KLF5: variants seen among roughly 807,000 people sequenced by gnomAD.
KLF5 encodes the protein KLF transcription factor 5, also known as Krueppel-like factor 5.
A neutral mutation model predicts 36.9 loss-of-function variants in KLF5; 9 were observed. The observed-to-expected ratio is 0.24, with a 90% CI of 0.15 to 0.43. KLF5 has a LOEUF of 0.43. Ranked by LOEUF, KLF5 falls within the 20% of genes least tolerant of loss-of-function variation. The probability of loss-of-function intolerance (pLI) is 1.00; values close to 1 mark genes in which losing one functional copy is unlikely to be tolerated. For missense variants in KLF5, 524 were observed against 599.5 expected, an observed-to-expected ratio of 0.87 and a Z score of 1.31; for synonymous variants, 246 against 241.7, an observed-to-expected ratio of 1.02 and a Z score of -0.17.
At chr13:73,063,228 T>G (rs1047811183) in intron 2 of KLF5, among the ~76,000 whole-genome samples, 5 of 152,170 alleles carry the variant, frequency 3.3e-5, no homozygotes, top group African/African-American at 1.2e-4. Flanking sequence ...GGTACAAGAC[T>G]GTCTACAAGA....
chr13:73,067,913 T>A (rs1376648897), intron 3 of KLF5, among the ~76,000 whole-genome samples: 2 of 151,498 alleles, frequency 1.3e-5, no homozygotes, highest in Non-Finnish European at 2.9e-5. Flanking sequence ...CGATCTCGGC[T>A]CACTGCAACC....
chr13:73,062,620 C>A lies in KLF5; in HGVS notation c.1021C>A (p.Pro341Thr). The A allele has an allele frequency of 6.2e-7, 1 of 1,614,218 alleles. No individual in the cohort carries two copies. The highest frequency in any genetic ancestry group is 1.1e-5 in the South Asian group (1 of 91,084). The change falls in exon 2 of 4, where the codon CCA becomes ACA. Residue 341 changes from proline (P) to threonine (T), a missense_variant. Physicochemically the swap from Pro to Thr is conservative, Grantham distance 38. This residue lies in a region of KLF5 where 454 missense variants were observed against 458.1 expected (regional missense o/e 0.99). Coordinates refer to ENST00000377687, the MANE Select transcript of KLF5 (RefSeq NM_001730.5). Reference protein sequence around the residue: ...TIASKLAIHNPNLPTTLPVNS... With the variant: ...TIASKLAIHNTNLPTTLPVNS... ...TGCTTCTAAACTGGCAATTCACAAT[C>A]CAAATTTACCCACCACCCTGCCAGT...
intron 1 of KLF5, among the ~76,000 whole-genome samples, chr13:73,060,060 A>T (rs891596723): frequency 4.0e-5 from 6 of 149,236 alleles, no homozygotes; most frequent in African/African-American, 1.5e-4. Context: ...AAGGTTTCAT[A>T]CCCGGTGGCT....
At chr13:73,075,572 C>T (rs529268234) in intron 3 of KLF5, 136 bp from the exon 4 acceptor site, 14 of 692,422 alleles carry the variant, frequency 2.0e-5, no homozygotes, top group African/African-American at 1.8e-4. Flanking sequence ...TATGTATTTA[C>T]TCATAATGGA....
At chr13:73,073,475 A>G (rs918559740) in intron 3 of KLF5, among the ~76,000 whole-genome samples, 4 of 152,202 alleles carry the variant, frequency 2.6e-5, no homozygotes, top group South Asian at 2.1e-4. Context: ...TTTAAAAAAT[A>G]CTGGTGCAGT....
chr13:73,067,961 C>T (rs910287415), intron 3 of KLF5, among the ~76,000 whole-genome samples: 29 of 152,098 alleles, frequency 1.9e-4, no homozygotes, highest in African/African-American at 6.5e-4. Flanking sequence ...CTGCCTCAGC[C>T]TCTCAAGTAG....
intron 3 of KLF5, among the ~76,000 whole-genome samples, chr13:73,074,603 A>C (rs2139119214): frequency 6.6e-6 from 1 of 152,294 alleles, no homozygotes; most frequent in South Asian, 2.1e-4. Context: ...CTCCAGTAGG[A>C]TTCTTCACAA....
chr13:73,060,423 T>C (rs1420032858), intron 1 of KLF5, among the ~76,000 whole-genome samples: 1 of 152,138 alleles, frequency 6.6e-6, no homozygotes, highest in African/African-American at 2.4e-5. Flanking sequence ...CAGAAACCAC[T>C]AACCGCCGCG....
chr13:73,065,902 T>C (rs1057081579), intron 3 of KLF5, among the ~76,000 whole-genome samples: 1 of 152,234 alleles, frequency 6.6e-6, no homozygotes, highest in Non-Finnish European at 1.5e-5. Context: ...TGAATGCTTA[T>C]ACCTGCGATT....
In KLF5 at chr13:73,069,892, A is replaced by T. The variant is rs527751146; in HGVS notation, c.1196-5816A>T. Among the ~76,000 whole-genome samples, 7 of 152,340 alleles carry T rather than the reference A, an allele frequency of 4.6e-5. No homozygotes were observed. The East Asian group carries it at 1.3e-3, about 29-fold the overall frequency. The stretch of plus-strand genomic sequence containing the variant: ...TGCTGGAGTGGAGATAGAAATAATT[A>T]GTCTTGAAAGTAGAGAGTAATGTTT... On this transcript the variant is annotated intron_variant, in intron 3 of 3. Coordinates refer to ENST00000377687, the MANE Select transcript of KLF5 (RefSeq NM_001730.5).
chr13:73,075,363 C>T (rs754392864), intron 3 of KLF5, among the ~76,000 whole-genome samples: 4 of 152,162 alleles, frequency 2.6e-5, no homozygotes, highest in Non-Finnish European at 5.9e-5. Context: ...TAAAGCCACT[C>T]AGGCTCATCT....
rs2044658055 is a variant in KLF5 at position 73,063,738 on chromosome 13, T to C, written c.1136-86T>C. ...CATCTAGCATGAGAGATTTCTTCTT[T>C]AAAGCCAGATTTTAAACACTGAATC... On this transcript the variant is annotated intron_variant, in intron 2 of 3. Transcript: ENST00000377687. The C allele has an allele frequency of 8.1e-6, 8 of 986,460 alleles. No individual in the cohort carries two copies. In the South Asian group the frequency reaches 9.5e-5, roughly 12 times the overall value. 61.1% of individuals were successfully genotyped at this position (986,460 alleles called of 1,614,324 possible). A position where few individuals can be genotyped will look rare whatever the true frequency, so the allele number is the denominator to read the frequency against.
At chr13:73,075,495 ATG>A (rs1360492329) in intron 3 of KLF5, among the ~76,000 whole-genome samples, 1 of 152,128 alleles carries the variant, frequency 6.6e-6, no homozygotes. Context: ...TTTTTTCTTT[ATG>A]AGGTAAAAAA....
intron 2 of KLF5, among the ~76,000 whole-genome samples, chr13:73,063,529 A>T (rs1193935882): frequency 6.6e-6 from 1 of 152,220 alleles, no homozygotes; most frequent in South Asian, 2.1e-4. Context: ...AACATATAGC[A>T]GCTCTTAATA....
chr13:73,066,825 T>G (rs1035430248), intron 3 of KLF5, among the ~76,000 whole-genome samples: 1 of 152,224 alleles, frequency 6.6e-6, no homozygotes, highest in Non-Finnish European at 1.5e-5. Context: ...TACTTTGATT[T>G]CTTTATCAGG....
chr13:73,072,807 C>T (rs2044731669), intron 3 of KLF5, among the ~76,000 whole-genome samples: 2 of 152,080 alleles, frequency 1.3e-5, no homozygotes, highest in Admixed American at 6.5e-5. Context: ...ACTTTATCAG[C>T]GTGGATAGTA....
At chr13:73,066,516 C>T (rs1447870220) in intron 3 of KLF5, among the ~76,000 whole-genome samples, 1 of 152,150 alleles carries the variant, frequency 6.6e-6, no homozygotes, top group African/African-American at 2.4e-5. Flanking sequence ...TGTCGTTTTA[C>T]AGGCAGAATG....
At chr13:73,063,408 G>A (rs2044654828) in intron 2 of KLF5, among the ~76,000 whole-genome samples, 1 of 152,136 alleles carries the variant, frequency 6.6e-6, no homozygotes, top group Admixed American at 6.5e-5. Flanking sequence ...TACATGATAT[G>A]GCATGACGTG....
intron 3 of KLF5, among the ~76,000 whole-genome samples, chr13:73,074,762 GAA>G (rs1468084988): frequency 6.6e-6 from 1 of 152,208 alleles, no homozygotes; most frequent in African/African-American, 2.4e-5. Flanking sequence ...AACTGTGAAA[GAA>G]TGGAATGGGT....
Sources: allele counts gnomAD v4.1 joint callset (sites outside exome capture counted in the v4.1 genomes callset), GRCh38; gene constraint gnomAD v4.1.1; regional missense constraint gnomAD v4.1.1; transcripts MANE v1.5; gene names NCBI Gene and HGNC (gene_info 2026-07-23, HGNC 2026-07-21).